The following ZPLD1 variants were observed in gnomAD, a reference collection of about 807,000 sequenced individuals.
ZPLD1 encodes the protein zona pellucida like domain containing 1.
ZPLD1 carries 34 observed loss-of-function variants against 47.2 expected under a neutral mutation model. That is an observed-to-expected ratio of 0.72 (90% CI 0.55 to 0.96). The LOEUF (loss-of-function observed/expected upper bound fraction) is 0.96, where lower values mean the gene tolerates loss of function less well. Among genes scored for constraint, ZPLD1 ranks in the 40% least tolerant of loss-of-function variants. ZPLD1 has a pLI of 0.00. For missense variants in ZPLD1, 512 were observed against 505.8 expected (o/e 1.01, Z -0.12); for synonymous variants, 176 against 186.2 (o/e 0.95, Z 0.45).
At chr3:102,419,342 A>G (rs1706848004) in intron 8 of ZPLD1, among the ~76,000 whole-genome samples, 1 of 151,720 alleles carries the variant, frequency 6.6e-6, no homozygotes, top group South Asian at 2.1e-4. Flanking sequence ...ATTTTTCTTT[A>G]CTATTATAAT....
chr3:102,399,676 C>T (rs765854447), intron 7 of ZPLD1, among the ~76,000 whole-genome samples: 2 of 151,722 alleles, frequency 1.3e-5, no homozygotes, highest in African/African-American at 2.4e-5. Context: ...TAAAAAATAC[C>T]GAAACGATCA....
intron 6 of ZPLD1, among the ~76,000 whole-genome samples, chr3:102,388,979 C>T (rs1373550610): frequency 6.6e-6 from 1 of 152,152 alleles, no homozygotes; most frequent in Admixed American, 6.5e-5. Flanking sequence ...GAAACCCCAA[C>T]CTTCACCCTC....
intron 10 of ZPLD1, among the ~76,000 whole-genome samples, chr3:102,475,078 T>G (rs1707738015): frequency 6.6e-6 from 1 of 151,946 alleles, no homozygotes; most frequent in Admixed American, 6.6e-5. Flanking sequence ...CTTTATTCAC[T>G]GTCAAATACA....
upstream of ZPLD1, among the ~76,000 whole-genome samples, chr3:102,434,850 C>G (rs566116252): frequency 4.2e-4 from 64 of 152,230 alleles, no homozygotes; most frequent in Non-Finnish European, 7.8e-4. Flanking sequence ...CAGCAAGCAC[C>G]TTAGATTATT....
intron 7 of ZPLD1, among the ~76,000 whole-genome samples, chr3:102,408,953 A>G (rs1706721587): frequency 6.6e-6 from 1 of 151,768 alleles, no homozygotes; most frequent in Non-Finnish European, 1.5e-5. Context: ...TATTAACCAG[A>G]TATCTAGTAC....
intron 8 of ZPLD1, among the ~76,000 whole-genome samples, chr3:102,465,752 A>G (rs1707582141): frequency 6.6e-6 from 1 of 152,194 alleles, no homozygotes; most frequent in Admixed American, 6.5e-5. Flanking sequence ...AAAATTTCCC[A>G]AATGTCCTTT....
rs1269712727 is a variant in ZPLD1, at chr3:102,456,422, A to T, written c.509+48A>T. 3 of 1,545,462 alleles carry T rather than the reference A, an allele frequency of 1.9e-6. No individual in the cohort carries two copies. In the African/African-American group the frequency reaches 4.1e-5, roughly 21 times the overall value. On this transcript the variant is annotated intron_variant, in intron 5 of 11. Coordinates refer to ENST00000466937, the MANE Select transcript of ZPLD1 (RefSeq NM_001329788.2). The stretch of plus-strand genomic sequence containing the variant: ...CTTTCTCATATTGCATTTTTGCTTC[A>T]GGCATTTCGTATCTTTCAGGGACTT...
chr3:102,469,498 T>C (rs574298513), intron 9 of ZPLD1, among the ~76,000 whole-genome samples: 1 of 152,200 alleles, frequency 6.6e-6, no homozygotes, highest in African/African-American at 2.4e-5. Flanking sequence ...CAGGAGAGGT[T>C]GAGAGGATTG....
chr3:102,467,645 C>T (rs143471756), intron 8 of ZPLD1, among the ~76,000 whole-genome samples: 2 of 152,080 alleles, frequency 1.3e-5, no homozygotes, highest in African/African-American at 4.8e-5. Context: ...TGGACCTATA[C>T]TTCACTCAAT....
intron 8 of ZPLD1, among the ~76,000 whole-genome samples, chr3:102,419,811 A>G (rs76911651): frequency 0.012 from 1,899 of 151,990 alleles, 47 homozygotes; most frequent in African/African-American, 0.043. Context: ...TGAGTAGAGA[A>G]TGATAATCTT....
chr3:102,442,418 A>G lies in ZPLD1; in HGVS notation c.106+3825A>G, dbSNP rs1045955562. The stretch of plus-strand genomic sequence containing the variant: ...AACACTAAATTTGTATTTTAATAAC[A>G]CAAATATTAATAAAATCCAAATAAC... On this transcript the variant is annotated intron_variant, in intron 3 of 11. Transcript: ENST00000466937. Among the ~76,000 whole-genome samples the G allele has an allele frequency of 6.6e-5, 10 of 152,266 alleles. No individual in the cohort carries two copies. The South Asian group carries it at 1.7e-3, about 25-fold the overall frequency.
intron 7 of ZPLD1, among the ~76,000 whole-genome samples, chr3:102,410,980 T>C (rs1189629713): frequency 6.6e-6 from 1 of 151,828 alleles, no homozygotes; most frequent in African/African-American, 2.4e-5. Context: ...TAATTGTTTA[T>C]GTAAAGGTTA....
chr3:102,472,113 A>G (rs1157006903), intron 10 of ZPLD1, among the ~76,000 whole-genome samples: 1 of 152,210 alleles, frequency 6.6e-6, no homozygotes. Flanking sequence ...GTTTGTGTAG[A>G]CCTAACATTA....
upstream of ZPLD1, among the ~76,000 whole-genome samples, chr3:102,430,702 G>A (rs567453718): frequency 6.1e-4 from 93 of 152,266 alleles, 3 homozygotes; most frequent in South Asian, 9.7e-3. Context: ...ATATCGGGGA[G>A]TGGGTTTATA....
At chr3:102,449,025 G>A (rs150413098) in intron 3 of ZPLD1, among the ~76,000 whole-genome samples, 4 of 152,160 alleles carry the variant, frequency 2.6e-5, no homozygotes, top group African/African-American at 9.7e-5. Context: ...TATGTATAAA[G>A]GTTCCCTGCA....
intron 6 of ZPLD1, among the ~76,000 whole-genome samples, chr3:102,386,421 G>A (rs975729286): frequency 3.3e-5 from 5 of 151,566 alleles, no homozygotes; most frequent in East Asian, 3.9e-4. Flanking sequence ...ACTTAAAAGC[G>A]TTTTTTAATT....
Position 102,464,097 on chromosome 3 carries a change from A to G in ZPLD1, c.681-74A>G, listed in dbSNP as rs749423074. The G allele has an allele frequency of 2.1e-5, 21 of 1,000,630 alleles. No homozygotes were observed. The Admixed American group carries it at 3.7e-4, about 18-fold the overall frequency. 62.0% of individuals were successfully genotyped at this position (1,000,630 alleles called of 1,614,324 possible). A position where few individuals can be genotyped will look rare whatever the true frequency, so the allele number is the denominator to read the frequency against. ...AGGAAAAAGAAGTTTCTCAATATTT[A>G]CTTCCCTTGTATTAGTAACTAATAT... On this transcript the variant is annotated intron_variant, in intron 7 of 11. Transcript: ENST00000466937.
chr3:102,412,428 A>G (rs186017574), intron 7 of ZPLD1, among the ~76,000 whole-genome samples: 29 of 151,842 alleles, frequency 1.9e-4, no homozygotes, highest in Non-Finnish European at 4.0e-4. Flanking sequence ...CATAGAGAAG[A>G]GGATGCTGCT....
intron 7 of ZPLD1, among the ~76,000 whole-genome samples, chr3:102,395,570 C>A (rs1474770445): frequency 6.6e-6 from 1 of 152,170 alleles, no homozygotes; most frequent in Non-Finnish European, 1.5e-5. Flanking sequence ...TCGTTGCTGA[C>A]ACCTTGATTT....
Sources: allele counts gnomAD v4.1 joint callset (sites outside exome capture counted in the v4.1 genomes callset), GRCh38; gene constraint gnomAD v4.1.1; transcripts MANE v1.5; gene names NCBI Gene and HGNC (gene_info 2026-07-23, HGNC 2026-07-21).